The following HSF2BP variants were observed in gnomAD, a reference collection of about 807,000 sequenced individuals.
The protein encoded by HSF2BP is heat shock transcription factor 2 binding protein.
Under a neutral mutation model 35.0 loss-of-function variants are expected in HSF2BP, and 35 were observed. That is an observed-to-expected ratio of 1.00 (90% CI 0.76 to 1.32). The LOEUF is 1.32. Among genes scored for constraint, HSF2BP ranks in the 40% most tolerant of loss-of-function variants. The pLI is 0.00. For synonymous variants in HSF2BP, 114 were observed against 117.4 expected, an observed-to-expected ratio of 0.97 and a Z score of 0.18; for missense variants, 326 against 321.7, an observed-to-expected ratio of 1.01 and a Z score of -0.10.
chr21:43,626,867 A>ATT (rs72562311), intron 6 of HSF2BP, among the ~76,000 whole-genome samples: 3 of 147,060 alleles, frequency 2.0e-5, no homozygotes, highest in East Asian at 4.0e-4. Context: ...ATACCAAGAA[A>ATT]TTTTTTTTTT....
chr21:43,626,539 G>A (rs2082391509), intron 6 of HSF2BP, among the ~76,000 whole-genome samples: 1 of 152,142 alleles, frequency 6.6e-6, no homozygotes, highest in Non-Finnish European at 1.5e-5. Flanking sequence ...ACCCTCCTTG[G>A]AATGTAGCAA....
intron 7 of HSF2BP, among the ~76,000 whole-genome samples, chr21:43,595,044 T>A (rs1185689893): frequency 6.6e-6 from 1 of 152,124 alleles, no homozygotes. Context: ...GCAAACTGCT[T>A]GAGGCCAGGA....
intron 6 of HSF2BP, among the ~76,000 whole-genome samples, chr21:43,625,669 C>T: frequency 6.6e-6 from 1 of 152,164 alleles, no homozygotes; most frequent in East Asian, 1.9e-4. Context: ...TACCTATCCC[C>T]ACAGGATAGT....
chr21:43,626,455 G>A (rs967207923), intron 6 of HSF2BP, among the ~76,000 whole-genome samples: 5 of 152,144 alleles, frequency 3.3e-5, no homozygotes, highest in African/African-American at 7.2e-5. Context: ...GTAGATATGC[G>A]GCTGCAAATT....
At chr21:43,607,041 C>G (rs2082143405) in intron 7 of HSF2BP, among the ~76,000 whole-genome samples, 1 of 152,122 alleles carries the variant, frequency 6.6e-6, no homozygotes, top group African/African-American at 2.4e-5. Context: ...AGTCCCAGCA[C>G]TTTGGGAAGA....
intron 4 of HSF2BP, among the ~76,000 whole-genome samples, chr21:43,634,345 C>A (rs1280205316): frequency 6.6e-6 from 1 of 152,174 alleles, no homozygotes; most frequent in Non-Finnish European, 1.5e-5. Context: ...TCCTCTCCAA[C>A]CACCAGCACC....
At chr21:43,632,101 CT>C (rs371440175) in intron 5 of HSF2BP, among the ~76,000 whole-genome samples, 1 of 22,048 alleles carries the variant, frequency 4.5e-5, no homozygotes, top group Admixed American at 6.9e-4. Context: ...CACACACGCT[CT>C]CCCCACACAC....
chr21:43,572,711 A>G (rs532898876), intron 8 of HSF2BP, among the ~76,000 whole-genome samples: 2 of 152,340 alleles, frequency 1.3e-5, no homozygotes, highest in South Asian at 2.1e-4. Flanking sequence ...CAAAAATGAC[A>G]GCTGCAGATG....
intron 7 of HSF2BP, among the ~76,000 whole-genome samples, chr21:43,592,677 T>C (rs901752462): frequency 6.6e-6 from 1 of 152,210 alleles, no homozygotes; most frequent in Admixed American, 6.5e-5. Flanking sequence ...AAGAGTACTA[T>C]ACTCTCAAAG....
At chr21:43,652,485 G>A (rs1229912903) in intron 3 of HSF2BP, among the ~76,000 whole-genome samples, 1 of 151,820 alleles carries the variant, frequency 6.6e-6, no homozygotes, top group Non-Finnish European at 1.5e-5. Flanking sequence ...AGGGCTAGTG[G>A]GAGAGTAGAA....
At chr21:43,505,720 T>C in the HSF2BP span, among the ~76,000 whole-genome samples, 1 of 105,640 alleles carries the variant, frequency 9.5e-6, no homozygotes, top group Non-Finnish European at 2.0e-5. Context: ...ACTTCCGAGG[T>C]TCGGCCAATC....
At chr21:43,630,510 A>C (rs779849697) in intron 5 of HSF2BP, 56 bp from the exon 6 acceptor site, 215 of 1,554,568 alleles carry the variant, frequency 1.4e-4, no homozygotes, top group Non-Finnish European at 1.8e-4. Context: ...GTGTGAAAAC[A>C]TTTTAAAAGT....
rs139318267 is a variant in HSF2BP at position 43,576,505 on chromosome 21, G to A, written c.796+15720C>T. On this transcript the variant is annotated intron_variant, in intron 8 of 8. Transcript: ENST00000291560. ...GCACAAGTCAACGTGCTATATTCAC[G>A]TTTGCTTCCATTGCTGTTCATGACA... Among the ~76,000 whole-genome samples, 559 of 152,264 alleles carry A rather than the reference G, an allele frequency of 3.7e-3. 6 individuals are homozygous for A. Among genetic ancestry groups the A allele is most frequent in the African/African-American group, 0.013 (530 of 41,542 alleles).
intron 8 of HSF2BP, among the ~76,000 whole-genome samples, chr21:43,585,260 G>C (rs1359963870): frequency 6.6e-6 from 1 of 152,150 alleles, no homozygotes; most frequent in Non-Finnish European, 1.5e-5. Context: ...CAGTCAGCTA[G>C]CATCACTCCA....
chr21:43,654,701 C>G (rs1336378548), intron 3 of HSF2BP, among the ~76,000 whole-genome samples: 3 of 152,080 alleles, frequency 2.0e-5, no homozygotes, highest in Non-Finnish European at 2.9e-5. Flanking sequence ...GAAGAAATGC[C>G]AAGTCGGAGT....
intron 7 of HSF2BP, among the ~76,000 whole-genome samples, chr21:43,596,623 T>C (rs2081990288): frequency 1.3e-5 from 2 of 152,028 alleles, no homozygotes; most frequent in Non-Finnish European, 2.9e-5. Context: ...CCCAGCACTT[T>C]GGGAGGCCAA....
chr21:43,657,741 AG>A, intron 2 of HSF2BP: 1 of 742,164 alleles, frequency 1.3e-6, no homozygotes, highest in Non-Finnish European at 1.6e-6. Flanking sequence ...GGGCCTTCGG[AG>A]GGGAACTGGG....
intron 4 of HSF2BP, among the ~76,000 whole-genome samples, chr21:43,642,684 C>T (rs2082653322): frequency 1.3e-5 from 2 of 152,182 alleles, no homozygotes; most frequent in African/African-American, 4.8e-5. Flanking sequence ...TAAAATATTC[C>T]CACATTTTAA....
chr21:43,603,364 A>G (rs1470977185), intron 7 of HSF2BP, among the ~76,000 whole-genome samples: 2 of 152,202 alleles, frequency 1.3e-5, no homozygotes, highest in Non-Finnish European at 2.9e-5. Flanking sequence ...GAGGGGAAGG[A>G]AATGGACTGA....
Sources: allele counts gnomAD v4.1 joint callset (sites outside exome capture counted in the v4.1 genomes callset), GRCh38; gene constraint gnomAD v4.1.1; transcripts MANE v1.5; gene names NCBI Gene and HGNC (gene_info 2026-07-23, HGNC 2026-07-21).